CDIP1: variants seen among roughly 807,000 people sequenced by gnomAD.
The protein encoded by CDIP1 is cell death-inducing p53-target protein 1.
Under a neutral mutation model 17.7 loss-of-function variants are expected in CDIP1, and 9 were observed. The ratio of observed to expected loss-of-function variants is 0.51; its 90% CI spans 0.31 to 0.89. CDIP1 has a LOEUF of 0.89. CDIP1 is among the 40% of genes least tolerant of loss of function. The pLI is 0.05. For synonymous variants in CDIP1, 117 were observed against 109.5 expected (o/e 1.07, Z -0.43); for missense variants, 263 against 277.9 (o/e 0.95, Z 0.38).
At chr16:4,529,924 C>T (rs1457576781) in intron 1 of CDIP1, among the ~76,000 whole-genome samples, 4 of 152,230 alleles carry the variant, frequency 2.6e-5, no homozygotes, top group Admixed American at 6.5e-5. Context: ...GGGCTCTGCC[C>T]GCGGCCAGGT....
chr16:4,519,031 C>G (rs2058917424), intron 1 of CDIP1, among the ~76,000 whole-genome samples: 1 of 152,166 alleles, frequency 6.6e-6, no homozygotes, highest in Non-Finnish European at 1.5e-5. Context: ...TCTTGGCCTT[C>G]TTGCTTTAAA....
intron 1 of CDIP1, chr16:4,536,665 G>C (rs2059109298): frequency 6.6e-6 from 1 of 151,174 alleles, no homozygotes; most frequent in Non-Finnish European, 1.5e-5. Context: ...ACTTGGGCAC[G>C]GTAGCTCCTG....
Position 4,513,113 on chromosome 16 carries a change from G to C in CDIP1, c.242-49C>G. 1 of 1,505,636 alleles carries C rather than the reference G, an allele frequency of 6.6e-7. No individual in the cohort carries two copies. 93.3% of individuals were successfully genotyped at this position (1,505,636 alleles called of 1,614,324 possible). On this transcript the variant is annotated intron_variant, in intron 4 of 5. Transcript: ENST00000567695. The surrounding 1 kb of genome is among the most constrained non-coding windows in gnomAD (Gnocchi z 4.1). ...GCGAGAGGTCACTGGCCTGCCACCT[G>C]CACCAGACAAAGAGATTGGCGCAAA...
intron 1 of CDIP1, among the ~76,000 whole-genome samples, chr16:4,537,942 C>T (rs908803725): frequency 6.6e-6 from 1 of 152,232 alleles, no homozygotes; most frequent in African/African-American, 2.4e-5. Context: ...CGACTCCACA[C>T]GTCGGCGAGC....
intron 1 of CDIP1, among the ~76,000 whole-genome samples, chr16:4,524,593 C>G (rs868295013): frequency 6.6e-6 from 1 of 152,192 alleles, no homozygotes; most frequent in South Asian, 2.1e-4. Context: ...CTGCCTTCCT[C>G]CCATCTACCA....
intron 1 of CDIP1, among the ~76,000 whole-genome samples, chr16:4,520,285 A>C (rs1168233132): frequency 6.6e-6 from 1 of 152,056 alleles, no homozygotes; most frequent in Non-Finnish European, 1.5e-5. Flanking sequence ...TTGTATTTTT[A>C]GTAGAGATGG....
At chr16:4,535,895 CAG>C (rs1173985690) in intron 1 of CDIP1, among the ~76,000 whole-genome samples, 2 of 152,114 alleles carry the variant, frequency 1.3e-5, no homozygotes, top group African/African-American at 4.8e-5. Context: ...CCTGACTAGG[CAG>C]AGACAGAAAC....
At chr16:4,519,830 AC>A (rs926779596) in intron 1 of CDIP1, among the ~76,000 whole-genome samples, 2 of 148,692 alleles carry the variant, frequency 1.3e-5, no homozygotes, top group South Asian at 4.3e-4. Flanking sequence ...CTGCACAGAG[AC>A]CCCCCGTGCC....
At chr16:4,522,453 C>T (rs914624748) in intron 1 of CDIP1, 1 of 152,274 alleles carries the variant, frequency 6.6e-6, no homozygotes, top group African/African-American at 2.4e-5. Flanking sequence ...GCCAGCTGGC[C>T]TCAGAGGGGC....
chr16:4,513,979 A>T lies in CDIP1; in HGVS notation c.85+67T>A. 1 of 1,338,446 alleles carries T rather than the reference A, an allele frequency of 7.5e-7. No homozygotes were observed. 82.9% of individuals were successfully genotyped at this position (1,338,446 alleles called of 1,614,324 possible). On this transcript the variant is annotated intron_variant, in intron 3 of 5. Coordinates refer to ENST00000567695, the MANE Select transcript of CDIP1 (RefSeq NM_013399.3). This position sits in a 1 kb window ranked among gnomAD's most constrained non-coding sequence, Gnocchi z 4.1. ...CCCTGGAGTGGGCATCACCACTTAG[A>T]GAGTCCCAACCATGCCATGGCGGCA...
chr16:4,531,174 G>A (rs1198532222), intron 1 of CDIP1, among the ~76,000 whole-genome samples: 5 of 151,998 alleles, frequency 3.3e-5, no homozygotes, highest in East Asian at 3.9e-4. Context: ...GACTACAGGC[G>A]CCTGCCACCA....
chr16:4,535,026 A>T (rs1020356635), intron 1 of CDIP1, among the ~76,000 whole-genome samples: 2 of 152,094 alleles, frequency 1.3e-5, no homozygotes, highest in Non-Finnish European at 2.9e-5. Flanking sequence ...CCTGCATGTT[A>T]ATCAGAATTG....
At position 4,537,921 on chromosome 16, in the gene CDIP1, G is replaced by A. The variant is rs370389987; in HGVS notation, c.-105+781C>T. Among the ~76,000 whole-genome samples the A allele has an allele frequency of 1.7e-3, 266 of 152,314 alleles. 4 individuals are homozygous for A. Among genetic ancestry groups the A allele is most frequent in the African/African-American group, 6.2e-3 (258 of 41,568 alleles). ...ATCTCCGCCGGGGATGCGCGGCCGAGCGCCACATCCCGACTCCACACGTCG... is the reference window on the plus strand; with the variant it reads ...ATCTCCGCCGGGGATGCGCGGCCGAACGCCACATCCCGACTCCACACGTCG... On this transcript the variant is annotated intron_variant, in intron 1 of 5. Coordinates refer to ENST00000567695, the MANE Select transcript of CDIP1 (RefSeq NM_013399.3).
chr16:4,537,919 G>T lies in CDIP1; in HGVS notation c.-105+783C>A, dbSNP rs570527254. 3.9e-5 allele frequency among the ~76,000 whole-genome samples: 6 copies of T among 152,328 alleles called. No individual in the cohort carries two copies. The South Asian group carries it at 1.2e-3, about 32-fold the overall frequency. On this transcript the variant is annotated intron_variant, in intron 1 of 5. Coordinates refer to ENST00000567695, the MANE Select transcript of CDIP1 (RefSeq NM_013399.3). ...CCATCTCCGCCGGGGATGCGCGGCCGAGCGCCACATCCCGACTCCACACGT... is the reference window on the plus strand; with the variant it reads ...CCATCTCCGCCGGGGATGCGCGGCCTAGCGCCACATCCCGACTCCACACGT...
intron 1 of CDIP1, among the ~76,000 whole-genome samples, chr16:4,536,221 A>G (rs3747600): frequency 0.55 from 83,947 of 152,120 alleles, 26,803 homozygotes; most frequent in Non-Finnish European, 0.71. Flanking sequence ...AGTGGAGACA[A>G]ATTTTCACAG....
chr16:4,512,900 C>T lies in CDIP1; in HGVS notation c.406G>A (p.Ala136Thr), dbSNP rs375532355. 1 of 1,570,712 alleles carries T rather than the reference C, an allele frequency of 6.4e-7. No homozygotes were observed. The highest frequency in any genetic ancestry group is 1.2e-5 in the South Asian group (1 of 85,646). The change falls in exon 5 of 6, where the codon GCG (alanine) becomes ACG (threonine). Residue 136 changes from alanine to threonine, a missense_variant. Transcript: ENST00000567695. This position sits in a 1 kb window ranked among gnomAD's most constrained non-coding sequence, Gnocchi z 4.6. ...TGGGGACACACCGTCTGCACAGGCG[C>T]TCCCTCAAAGATCTCTCCCTGCAGC... ...TVLQGEIFEG[A>T]PVQTVCPHCQ...
intron 1 of CDIP1, among the ~76,000 whole-genome samples, chr16:4,534,099 T>G (rs541233533): frequency 9.7e-4 from 148 of 152,230 alleles, no homozygotes; most frequent in Non-Finnish European, 1.8e-3. Context: ...TACAGGCACC[T>G]GCCCCCACAC....
chr16:4,535,700 G>A (rs1173116506), intron 1 of CDIP1, among the ~76,000 whole-genome samples: 1 of 152,252 alleles, frequency 6.6e-6, no homozygotes, highest in African/African-American at 2.4e-5. Context: ...TCACAGAGTA[G>A]GAGAAGTGGT....
chr16:4,514,239 G>A lies in CDIP1; in HGVS notation c.-14-95C>T, dbSNP rs1357312248. The A allele has an allele frequency of 1.7e-5, 12 of 691,472 alleles. No individual in the cohort carries two copies. Among genetic ancestry groups the A allele is most frequent in the Non-Finnish European group, 2.4e-5 (10 of 416,284 alleles). The allele number at this position is 691,472 out of a possible 1,614,324, so 42.8% of individuals were successfully genotyped here. On this transcript the variant is annotated intron_variant, in intron 2 of 5. Transcript: ENST00000567695. The surrounding 1 kb of genome is among the most constrained non-coding windows in gnomAD (Gnocchi z 5.2). ...GGGTGGCCAAGATGCTGCACAAGGC[G>A]TGTGACCATCCTCAGAAGGGTCTGC...
Sources: allele counts gnomAD v4.1 joint callset (sites outside exome capture counted in the v4.1 genomes callset), GRCh38; gene constraint gnomAD v4.1.1; non-coding constraint Gnocchi (gnomAD v3.1); transcripts MANE v1.5; gene names NCBI Gene and HGNC (gene_info 2026-07-23, HGNC 2026-07-21).